The following PCSK2 variants were observed in gnomAD, a reference collection of about 807,000 sequenced individuals.
PCSK2 encodes the protein neuroendocrine convertase 2.
A neutral mutation model predicts 69.7 loss-of-function variants in PCSK2; 14 were observed. The observed-to-expected ratio is 0.20, with a 90% CI of 0.13 to 0.31. The LOEUF is 0.31. PCSK2 is among the 10% of genes least tolerant of loss of function. PCSK2 has a pLI of 1.00. For synonymous variants in PCSK2, 307 were observed against 320.7 expected (o/e 0.96, Z 0.46); for missense variants, 544 against 842.5 (o/e 0.65, Z 4.39).
At chr20:17,293,225 C>A (rs1296200326) in intron 2 of PCSK2, among the ~76,000 whole-genome samples, 1 of 152,140 alleles carries the variant, frequency 6.6e-6, no homozygotes, top group African/African-American at 2.4e-5. Flanking sequence ...TTAATTAAGG[C>A]ACCTATAAAA....
intron 1 of PCSK2, among the ~76,000 whole-genome samples, chr20:17,231,089 A>T (rs1482140435): frequency 1.3e-5 from 2 of 152,228 alleles, no homozygotes; most frequent in East Asian, 3.8e-4. Context: ...CCTGTTGAAG[A>T]TTAACCAAAA....
intron 5 of PCSK2, among the ~76,000 whole-genome samples, chr20:17,396,712 G>A (rs766805877): frequency 1.6e-4 from 24 of 151,996 alleles, no homozygotes; most frequent in Non-Finnish European, 2.9e-4. Context: ...CAACTCCCAG[G>A]TTCAAGAGAT....
chr20:17,294,235 G>A (rs1190274806), intron 2 of PCSK2, among the ~76,000 whole-genome samples: 2 of 150,562 alleles, frequency 1.3e-5, no homozygotes, highest in Admixed American at 6.6e-5. Flanking sequence ...CTCCCGAGTA[G>A]CTGGGACTAC....
intron 11 of PCSK2, among the ~76,000 whole-genome samples, chr20:17,466,436 G>A (rs1179496914): frequency 3.3e-5 from 5 of 152,036 alleles, no homozygotes; most frequent in African/African-American, 1.2e-4. Flanking sequence ...TTCTACCTGT[G>A]GGACAATCTA....
chr20:17,291,605 T>C (rs533702510), intron 2 of PCSK2, among the ~76,000 whole-genome samples: 1 of 152,180 alleles, frequency 6.6e-6, no homozygotes, highest in South Asian at 2.1e-4. Flanking sequence ...GTAATTTTGA[T>C]GGATGCTACC....
intron 1 of PCSK2, among the ~76,000 whole-genome samples, chr20:17,240,280 A>G (rs1372474645): frequency 6.6e-6 from 1 of 152,130 alleles, no homozygotes; most frequent in Admixed American, 6.5e-5. Context: ...ACAGGGAGAT[A>G]TGAACAAAAC....
At chr20:17,425,937 G>A (rs2032239837) in intron 6 of PCSK2, among the ~76,000 whole-genome samples, 1 of 152,170 alleles carries the variant, frequency 6.6e-6, no homozygotes, top group South Asian at 2.1e-4. Context: ...AAGTGCAAGG[G>A]AGGATGGGAG....
intron 2 of PCSK2, among the ~76,000 whole-genome samples, chr20:17,300,490 G>A (rs145042259): frequency 2.6e-5 from 4 of 152,302 alleles, no homozygotes; most frequent in African/African-American, 9.6e-5. Flanking sequence ...TATGCATGTT[G>A]TCTGATTTAC....
chr20:17,255,269 C>T (rs181400705), intron 1 of PCSK2, among the ~76,000 whole-genome samples: 2 of 152,264 alleles, frequency 1.3e-5, no homozygotes, highest in Admixed American at 1.3e-4. Flanking sequence ...CAGCCTTTCA[C>T]CATTAACTAT....
At chr20:17,321,470 TA>T (rs1217013611) in intron 2 of PCSK2, among the ~76,000 whole-genome samples, 21 of 152,264 alleles carry the variant, frequency 1.4e-4, no homozygotes, top group African/African-American at 5.1e-4. Flanking sequence ...TGTCTTGGAT[TA>T]CATAGCAAGT....
intron 2 of PCSK2, among the ~76,000 whole-genome samples, chr20:17,339,688 A>G (rs1038475493): frequency 6.6e-6 from 1 of 151,836 alleles, no homozygotes; most frequent in African/African-American, 2.4e-5. Flanking sequence ...GGTTCTGTTT[A>G]TTTGTTTGTT....
At position 17,344,056 on chromosome 20, in the gene PCSK2, T is replaced by A. The variant is rs573234472; in HGVS notation, c.283-14271T>A. 5.9e-5 allele frequency among the ~76,000 whole-genome samples: 9 copies of A among 152,350 alleles called. No homozygotes were observed. The South Asian group carries it at 1.7e-3, about 28-fold the overall frequency. Reference sequence around the variant, plus strand: ...TCTCCTGGTATTTCTCAAAGGCTAATCTAAGAGCATGGATTGTTCTGTATC... The same window carrying A: ...TCTCCTGGTATTTCTCAAAGGCTAAACTAAGAGCATGGATTGTTCTGTATC... On this transcript the variant is annotated intron_variant, in intron 2 of 11. Transcript: ENST00000262545.
intron 1 of PCSK2, among the ~76,000 whole-genome samples, chr20:17,229,485 G>C (rs1344206726): frequency 6.6e-6 from 1 of 150,562 alleles, no homozygotes; most frequent in Non-Finnish European, 1.5e-5. Flanking sequence ...TGTTCTCAGT[G>C]GTTTTCTCTT....
intron 11 of PCSK2, among the ~76,000 whole-genome samples, chr20:17,470,338 T>A (rs1464114847): frequency 6.6e-6 from 1 of 152,204 alleles, no homozygotes; most frequent in African/African-American, 2.4e-5. Context: ...AATAGCAACA[T>A]GTGGCTGGTG....
chr20:17,425,995 C>T (rs2032240799), intron 6 of PCSK2, among the ~76,000 whole-genome samples: 1 of 152,176 alleles, frequency 6.6e-6, no homozygotes, highest in African/African-American at 2.4e-5. Flanking sequence ...GACCATTTAG[C>T]ATTTTCTGCC....
chr20:17,293,681 T>C (rs1440271181), intron 2 of PCSK2, among the ~76,000 whole-genome samples: 1 of 152,234 alleles, frequency 6.6e-6, no homozygotes, highest in African/African-American at 2.4e-5. Context: ...TTTTACTTTG[T>C]CATGAGATTA....
At chr20:17,382,117 C>A (rs570651962) in intron 5 of PCSK2, among the ~76,000 whole-genome samples, 1 of 152,150 alleles carries the variant, frequency 6.6e-6, no homozygotes, top group Admixed American at 6.5e-5. Flanking sequence ...TCTCTCCTCC[C>A]GTGGAGAGTT....
intron 5 of PCSK2, among the ~76,000 whole-genome samples, chr20:17,390,970 T>A (rs2031356482): frequency 6.6e-6 from 1 of 152,212 alleles, no homozygotes; most frequent in African/African-American, 2.4e-5. Context: ...ACAGTGTGGA[T>A]ATTCCGTCAT....
intron 5 of PCSK2, among the ~76,000 whole-genome samples, chr20:17,375,887 C>G (rs1281718871): frequency 6.6e-6 from 1 of 152,216 alleles, no homozygotes; most frequent in Non-Finnish European, 1.5e-5. Flanking sequence ...TGCCATGGGA[C>G]TCTGTAGAAT....
Sources: allele counts gnomAD v4.1 joint callset (sites outside exome capture counted in the v4.1 genomes callset), GRCh38; gene constraint gnomAD v4.1.1; transcripts MANE v1.5; gene names NCBI Gene and HGNC (gene_info 2026-07-23, HGNC 2026-07-21).